OPCML: variants seen among roughly 807,000 people sequenced by gnomAD.
OPCML encodes the protein opioid-binding protein/cell adhesion molecule.
OPCML carries 13 observed loss-of-function variants against 37.8 expected under a neutral mutation model. That is an observed-to-expected ratio of 0.34 (90% confidence interval 0.22 to 0.55). The LOEUF (loss-of-function observed/expected upper bound fraction) is 0.55, where lower values mean the gene tolerates loss of function less well. Among genes scored for constraint, OPCML ranks in the 20% least tolerant of loss-of-function variants. The pLI is 0.91. For synonymous variants in OPCML, 176 were observed against 168.8 expected (o/e 1.04, Z -0.33); for missense variants, 341 against 435.6 (o/e 0.78, Z 1.93).
At chr11:133,354,590 A>G (rs529147760) in intron 1 of OPCML, among the ~76,000 whole-genome samples, 27 of 152,302 alleles carry the variant, frequency 1.8e-4, no homozygotes, top group Non-Finnish European at 3.4e-4. Flanking sequence ...GTCCACTTTT[A>G]TAAGTACCTC....
intron 2 of OPCML, among the ~76,000 whole-genome samples, chr11:132,668,294 G>A (rs780180622): frequency 2.6e-5 from 4 of 152,186 alleles, no homozygotes; most frequent in Non-Finnish European, 4.4e-5. Context: ...GAGGTTTTGC[G>A]AAATGTATAA....
chr11:132,553,606 A>G (rs1280099432), intron 3 of OPCML, among the ~76,000 whole-genome samples: 1 of 152,210 alleles, frequency 6.6e-6, no homozygotes, highest in African/African-American at 2.4e-5. Context: ...GGCTAATTAT[A>G]ATCAGGTATT....
At chr11:132,494,823 C>A (rs761122464) in intron 4 of OPCML, among the ~76,000 whole-genome samples, 3 of 152,270 alleles carry the variant, frequency 2.0e-5, no homozygotes, top group Non-Finnish European at 2.9e-5. Context: ...CAGAGGTGTC[C>A]CATGGGAATG....
At chr11:132,427,851 A>T (rs531272229) in intron 7 of OPCML, among the ~76,000 whole-genome samples, 1 of 152,314 alleles carries the variant, frequency 6.6e-6, no homozygotes, top group South Asian at 2.1e-4. Context: ...CCTCATCAAG[A>T]ATGAAATGGG....
intron 1 of OPCML, among the ~76,000 whole-genome samples, chr11:133,284,359 C>T (rs955228694): frequency 1.3e-5 from 2 of 152,172 alleles, no homozygotes; most frequent in Non-Finnish European, 2.9e-5. Context: ...GTCTTGGCAG[C>T]GGACACTGAA....
intron 1 of OPCML, among the ~76,000 whole-genome samples, chr11:133,466,420 A>C (rs940920863): frequency 5.9e-5 from 9 of 152,204 alleles, no homozygotes; most frequent in African/African-American, 1.9e-4. Context: ...CTTCTGGAAG[A>C]AGTAGAACCG....
At chr11:132,551,715 G>C (rs539254213) in intron 3 of OPCML, among the ~76,000 whole-genome samples, 3 of 152,128 alleles carry the variant, frequency 2.0e-5, no homozygotes, top group African/African-American at 4.8e-5. Context: ...TTTCATCTTC[G>C]ACACAATTTG....
intron 3 of OPCML, among the ~76,000 whole-genome samples, chr11:132,633,153 G>T (rs1240269346): frequency 6.6e-6 from 1 of 152,106 alleles, no homozygotes; most frequent in Non-Finnish European, 1.5e-5. Flanking sequence ...GTCTTCTGCT[G>T]CCAGTAACAG....
intron 1 of OPCML, among the ~76,000 whole-genome samples, chr11:133,380,275 A>G (rs1229445745): frequency 6.6e-6 from 1 of 152,202 alleles, no homozygotes; most frequent in East Asian, 1.9e-4. Flanking sequence ...AATAAAGACA[A>G]TTTCAAAAGG....
chr11:133,513,428 T>C (rs1267048118), intron 1 of OPCML, among the ~76,000 whole-genome samples: 1 of 152,198 alleles, frequency 6.6e-6, no homozygotes, highest in Admixed American at 6.5e-5. Context: ...CTGTCTCCTG[T>C]TTCCCAGCCA....
chr11:133,180,249 G>A (rs1296733995), intron 1 of OPCML, among the ~76,000 whole-genome samples: 2 of 152,234 alleles, frequency 1.3e-5, no homozygotes, highest in South Asian at 2.1e-4. Flanking sequence ...GGACCCTCAC[G>A]TGTGCGTTCA....
chr11:133,227,530 G>T (rs1022408260), intron 1 of OPCML, among the ~76,000 whole-genome samples: 8 of 152,158 alleles, frequency 5.3e-5, no homozygotes, highest in Non-Finnish European at 8.8e-5. Context: ...TCCTGGGAGA[G>T]GCTGCTGAGC....
Position 133,422,521 on chromosome 11 carries a change from G to A in OPCML, c.61+109743C>T, listed in dbSNP as rs946352667. The A allele has an allele frequency of 6.1e-6, 6 of 979,392 alleles. No individual in the cohort carries two copies. The Admixed American group carries it at 3.7e-4, about 60-fold the overall frequency. The allele number at this position is 979,392 out of a possible 1,614,324, so 60.7% of individuals were successfully genotyped here. On this transcript the variant is annotated intron_variant, in intron 1 of 7. Coordinates refer to ENST00000524381, the MANE Select transcript of OPCML (RefSeq NM_001012393.5). Reference sequence around the variant, plus strand: ...GGAACCACTCATTTCTGTTTTTAGAGACGGGGTCCTGCTCTACCGCCCAGG... The same window carrying A: ...GGAACCACTCATTTCTGTTTTTAGAAACGGGGTCCTGCTCTACCGCCCAGG...
intron 2 of OPCML, among the ~76,000 whole-genome samples, chr11:132,821,327 C>G (rs960659397): frequency 2.0e-5 from 3 of 152,172 alleles, no homozygotes; most frequent in Non-Finnish European, 4.4e-5. Flanking sequence ...GCACAGGCTC[C>G]TTTCAACCAG....
intron 1 of OPCML, chr11:133,117,743 A>G: frequency 1.0e-6 from 1 of 954,934 alleles, no homozygotes; most frequent in African/African-American, 1.8e-5. Flanking sequence ...AATGAAAATG[A>G]AAGTAATGTA....
At chr11:133,085,123 C>T (rs1313525826) in intron 1 of OPCML, among the ~76,000 whole-genome samples, 2 of 152,216 alleles carry the variant, frequency 1.3e-5, no homozygotes, top group South Asian at 2.1e-4. Context: ...TTAGATCCCA[C>T]TTCCTTCATG....
intron 1 of OPCML, among the ~76,000 whole-genome samples, chr11:133,136,533 G>C (rs1949693153): frequency 6.6e-6 from 1 of 152,142 alleles, no homozygotes; most frequent in Non-Finnish European, 1.5e-5. Flanking sequence ...AAATAGAGCT[G>C]CTTCCTAATG....
chr11:133,042,083 C>A (rs1005769630), intron 1 of OPCML, among the ~76,000 whole-genome samples: 4 of 152,154 alleles, frequency 2.6e-5, no homozygotes, highest in Non-Finnish European at 5.9e-5. Context: ...TGGACACTGA[C>A]TAATCACCAC....
intron 2 of OPCML, among the ~76,000 whole-genome samples, chr11:132,793,176 G>T (rs1938051381): frequency 3.9e-5 from 6 of 152,136 alleles, no homozygotes; most frequent in Admixed American, 3.9e-4. Flanking sequence ...TGCCTGTGGG[G>T]TCTTGCCTGC....
Sources: gnomAD v4.1 joint callset for allele counts (sites outside exome capture counted in the v4.1 genomes callset) on GRCh38, gnomAD v4.1.1 for gene constraint, MANE v1.5 for transcripts, NCBI Gene and HGNC (gene_info 2026-07-23, HGNC 2026-07-21) for gene names.